Variants in SPIDR observed in about 807,000 individuals in gnomAD.
The protein encoded by SPIDR is DNA repair-scaffolding protein.
In SPIDR, 93 loss-of-function variants were observed where a neutral mutation model predicts 104.6. The ratio of observed to expected loss-of-function variants is 0.89; its 90% CI spans 0.75 to 1.06. The LOEUF (loss-of-function observed/expected upper bound fraction) is 1.06, where lower values mean the gene tolerates loss of function less well. SPIDR is among the 50% of genes least tolerant of loss of function. SPIDR has a pLI of 0.00. For synonymous variants in SPIDR, 431 were observed against 416.9 expected (o/e 1.03, Z -0.41); for missense variants, 1,154 against 1,111.2 (o/e 1.04, Z -0.55).
At chr8:47,678,276 TGAAGAAGA>T (rs1399355496) in intron 11 of SPIDR, among the ~76,000 whole-genome samples, 1 of 151,934 alleles carries the variant, frequency 6.6e-6, no homozygotes, top group East Asian at 1.9e-4. Flanking sequence ...AGTTTTTGAG[TGAAGAAGA>T]GAAGAGGTCA....
rs545042392 is a variant in SPIDR, at chr8:47,669,740, G to A, written c.1545-4061G>A. On this transcript the variant is annotated intron_variant, in intron 10 of 19. Coordinates refer to ENST00000297423, the MANE Select transcript of SPIDR (RefSeq NM_001080394.4). ...ACACAGGCCGGGCACAGTGACTCAC[G>A]CCTGTAATCCCAGCACTTTGGGAGG... 4.6e-5 allele frequency among the ~76,000 whole-genome samples: 7 copies of A among 152,276 alleles called. No individual in the cohort carries two copies. The South Asian group carries it at 1.4e-3, about 32-fold the overall frequency.
At chr8:47,480,303 G>A (rs529404450) in intron 8 of SPIDR, among the ~76,000 whole-genome samples, 2 of 152,268 alleles carry the variant, frequency 1.3e-5, no homozygotes, top group African/African-American at 2.4e-5. Flanking sequence ...TTACCCTACA[G>A]TGTTCATGGA....
chr8:47,289,665 A>G (rs1174008595), intron 3 of SPIDR, among the ~76,000 whole-genome samples: 1 of 152,210 alleles, frequency 6.6e-6, no homozygotes, highest in Non-Finnish European at 1.5e-5. Context: ...GCAGGTGTGT[A>G]GTAAAATGGT....
chr8:47,468,671 C>T (rs1484226119), intron 8 of SPIDR, among the ~76,000 whole-genome samples: 8 of 152,096 alleles, frequency 5.3e-5, no homozygotes, highest in Middle Eastern at 3.2e-3. Context: ...GAGCCTTGGA[C>T]CCTTTGCTTA....
intron 8 of SPIDR, among the ~76,000 whole-genome samples, chr8:47,518,286 A>AT (rs2083460959): frequency 6.6e-6 from 1 of 152,236 alleles, no homozygotes; most frequent in South Asian, 2.1e-4. Context: ...TCAGGAACTT[A>AT]TTAATAGAAA....
chr8:47,722,845 A>G (rs1233770678), intron 16 of SPIDR, among the ~76,000 whole-genome samples: 1 of 143,378 alleles, frequency 7.0e-6, no homozygotes, highest in African/African-American at 2.6e-5. Context: ...ACTCCTGGCC[A>G]TATTTTGGTT....
chr8:47,323,986 G>A (rs902594790), intron 5 of SPIDR, among the ~76,000 whole-genome samples: 7 of 151,958 alleles, frequency 4.6e-5, no homozygotes, highest in African/African-American at 1.7e-4. Flanking sequence ...TAGTTTATTG[G>A]TCTTAGTTAA....
chr8:47,342,951 A>G (rs2051075461), intron 5 of SPIDR, among the ~76,000 whole-genome samples: 1 of 152,180 alleles, frequency 6.6e-6, no homozygotes, highest in East Asian at 1.9e-4. Context: ...GAAATTGTTG[A>G]GACACACACT....
At chr8:47,360,821 T>C in intron 5 of SPIDR, 1 of 985,458 alleles carries the variant, frequency 1.0e-6, no homozygotes, top group Non-Finnish European at 1.2e-6. Context: ...TTGTGTCCAG[T>C]GCTTGAAGGT....
At chr8:47,392,149 T>C (rs1317929831) in intron 5 of SPIDR, among the ~76,000 whole-genome samples, 1 of 152,190 alleles carries the variant, frequency 6.6e-6, no homozygotes, top group African/African-American at 2.4e-5. Context: ...TAAATGCTTA[T>C]ATGTTAGCAT....
chr8:47,307,090 A>G (rs2043210634), intron 5 of SPIDR, among the ~76,000 whole-genome samples: 1 of 152,146 alleles, frequency 6.6e-6, no homozygotes, highest in Admixed American at 6.6e-5. Flanking sequence ...TTTGTACAGA[A>G]GGATTTCTGT....
chr8:47,410,862 A>G (rs773260322), intron 7 of SPIDR, among the ~76,000 whole-genome samples: 2 of 151,876 alleles, frequency 1.3e-5, no homozygotes, highest in Non-Finnish European at 2.9e-5. Context: ...TCCTGTGTCC[A>G]TGTGTTCTCA....
At chr8:47,360,033 G>T (rs2055439034) in intron 5 of SPIDR, among the ~76,000 whole-genome samples, 1 of 152,004 alleles carries the variant, frequency 6.6e-6, no homozygotes, top group Non-Finnish European at 1.5e-5. Context: ...ACAAGGTCAG[G>T]AGATTGAGAC....
intron 1 of SPIDR, among the ~76,000 whole-genome samples, chr8:47,265,522 AAG>A (rs1554546004): frequency 2.6e-5 from 4 of 152,024 alleles, no homozygotes; most frequent in African/African-American, 7.2e-5. Context: ...ACCAAAGGGA[AAG>A]AGAGGAAAGA....
intron 8 of SPIDR, among the ~76,000 whole-genome samples, chr8:47,447,615 TA>T (rs1452388615): frequency 6.6e-6 from 1 of 152,210 alleles, no homozygotes; most frequent in Non-Finnish European, 1.5e-5. Context: ...ACTTGATTGA[TA>T]AAGCAGCATC....
At chr8:47,443,122 C>T (rs1585786105) in intron 8 of SPIDR, among the ~76,000 whole-genome samples, 1 of 152,062 alleles carries the variant, frequency 6.6e-6, no homozygotes, top group African/African-American at 2.4e-5. Flanking sequence ...CCCACTGACT[C>T]CTTAGACTTT....
intron 6 of SPIDR, among the ~76,000 whole-genome samples, chr8:47,398,855 A>C (rs1403250339): frequency 1.3e-5 from 2 of 152,142 alleles, no homozygotes; most frequent in Non-Finnish European, 2.9e-5. Flanking sequence ...GAGCCAAAGC[A>C]AAGGGAGCAT....
At chr8:47,436,708 A>G (rs2068393085) in intron 7 of SPIDR, among the ~76,000 whole-genome samples, 1 of 152,270 alleles carries the variant, frequency 6.6e-6, no homozygotes, top group Non-Finnish European at 1.5e-5. Context: ...CCTGGGCGAC[A>G]GAGCAAGACC....
chr8:47,505,251 A>T (rs1054588119), intron 8 of SPIDR, among the ~76,000 whole-genome samples: 2 of 152,204 alleles, frequency 1.3e-5, no homozygotes, highest in Non-Finnish European at 2.9e-5. Context: ...AGAGGCAGGC[A>T]GGCAGGCCTC....
Sources: allele counts gnomAD v4.1 joint callset (sites outside exome capture counted in the v4.1 genomes callset), GRCh38; gene constraint gnomAD v4.1.1; transcripts MANE v1.5; gene names NCBI Gene and HGNC (gene_info 2026-07-23, HGNC 2026-07-21).